The following SIK2 variants were observed in gnomAD, a reference collection of about 807,000 sequenced individuals.
SIK2 encodes the protein serine/threonine-protein kinase SIK2.
SIK2 carries 29 observed loss-of-function variants against 103.2 expected under a neutral mutation model. The ratio of observed to expected loss-of-function variants is 0.28; its 90% CI spans 0.21 to 0.38. The LOEUF is 0.38. SIK2 is among the 10% of genes least tolerant of loss of function. The pLI is 1.00. For missense variants in SIK2, 879 were observed against 1,171.0 expected (o/e 0.75, Z 3.64); for synonymous variants, 412 against 446.1 (o/e 0.92, Z 0.96).
At position 111,723,823 on chromosome 11, in the gene SIK2, G is replaced by A. The variant is rs1361998338; in HGVS notation, c.2475G>A (p.Pro825=). 10 of 1,190,384 alleles carry A rather than the reference G, an allele frequency of 8.4e-6. No individual in the cohort carries two copies. Among genetic ancestry groups the A allele is most frequent in the Middle Eastern group, 2.2e-4 (1 of 4,530 alleles). 73.7% of individuals were successfully genotyped at this position (1,190,384 alleles called of 1,614,324 possible). The change falls in exon 15 of 15, where the codon CCG becomes CCA. Residue 825 remains proline, a synonymous_variant. Coordinates refer to ENST00000304987, the MANE Select transcript of SIK2 (RefSeq NM_015191.3). Reference sequence around the variant, plus strand: ...AGCTACAGCAGCAGCAGCCGCCACCGCCACCACCCCCTCCACCACCACGAC... The same window carrying A: ...AGCTACAGCAGCAGCAGCCGCCACCACCACCACCCCCTCCACCACCACGAC... ...PTQLQQQQPP[P]PPPPPPPRQP... is the part of the protein sequence containing the mutation.
At chr11:111,603,448 C>G (rs991028710) in intron 1 of SIK2, among the ~76,000 whole-genome samples, 2 of 152,118 alleles carry the variant, frequency 1.3e-5, no homozygotes, top group Non-Finnish European at 1.5e-5. Context: ...GGTGTGCATT[C>G]TGGCTGTAAT....
chr11:111,679,698 A>G (rs1422941537), intron 3 of SIK2, among the ~76,000 whole-genome samples: 1 of 152,220 alleles, frequency 6.6e-6, no homozygotes, highest in Non-Finnish European at 1.5e-5. Flanking sequence ...GGTGGTACAT[A>G]TATCAGTGTG....
chr11:111,720,062 G>T, intron 10 of SIK2, 59 bp downstream of exon 10: 1 of 1,522,882 alleles, frequency 6.6e-7, no homozygotes, highest in South Asian at 1.2e-5. Flanking sequence ...TACTCCAATT[G>T]CCAACAAGTG....
intron 3 of SIK2, among the ~76,000 whole-genome samples, chr11:111,657,830 T>G (rs1942412198): frequency 6.6e-6 from 1 of 152,024 alleles, no homozygotes; most frequent in Non-Finnish European, 1.5e-5. Context: ...ACAAAGCAGT[T>G]CAGGTTGGCT....
intron 3 of SIK2, chr11:111,671,426 G>T: frequency 4.1e-6 from 1 of 241,978 alleles, no homozygotes; most frequent in East Asian, 1.3e-4. Flanking sequence ...GAAGCCCTCG[G>T]TCTCTGAGGC....
chr11:111,715,699 C>A (rs540601302), intron 9 of SIK2, among the ~76,000 whole-genome samples: 3 of 151,104 alleles, frequency 2.0e-5, no homozygotes, highest in Admixed American at 6.6e-5. Flanking sequence ...AGGGCAGATG[C>A]ATAAACCTTG....
Position 111,701,981 on chromosome 11 carries a change from G to A in SIK2, c.727+406G>A, listed in dbSNP as rs546632991. On this transcript the variant is annotated intron_variant, in intron 6 of 14. Coordinates refer to ENST00000304987, the MANE Select transcript of SIK2 (RefSeq NM_015191.3). This position sits in a 1 kb window ranked among gnomAD's most constrained non-coding sequence, Gnocchi z 4.2. Reference sequence around the variant, plus strand: ...AAACTCTGCTAAATTCAGATGATATGCCATAATCCCTGCCTGTCGTGTATT... The same window carrying A: ...AAACTCTGCTAAATTCAGATGATATACCATAATCCCTGCCTGTCGTGTATT... 6.6e-6 allele frequency among the ~76,000 whole-genome samples: 1 copy of A among 152,268 alleles called. No homozygotes were observed. The highest frequency in any genetic ancestry group is 6.5e-5 in the Admixed American group (1 of 15,294).
At position 111,728,891 on chromosome 11, in the gene SIK2, T is replaced by A. The variant is rs1944079761; in HGVS notation, c.*4762T>A. The A allele has an allele frequency of 6.9e-6, 1 of 144,038 alleles. No homozygotes were observed. Among genetic ancestry groups the A allele is most frequent in the Admixed American group, 7.1e-5 (1 of 14,078 alleles). 8.9% of individuals were successfully genotyped at this position (144,038 alleles called of 1,614,324 possible). A position where few individuals can be genotyped will look rare whatever the true frequency, so the allele number is the denominator to read the frequency against. On this transcript the variant is annotated 3_prime_UTR_variant, in exon 15 of 15. Transcript: ENST00000304987. ...GTGAGCCAAGATCGTGCCACTGCAC[T>A]CCAGCCTGGGCGACAGAGCAAGACT...
rs116247072 is a variant in SIK2 at position 111,630,003 on chromosome 11, C to T, written c.316+9601C>T. On this transcript the variant is annotated intron_variant, in intron 3 of 14. Coordinates refer to ENST00000304987, the MANE Select transcript of SIK2 (RefSeq NM_015191.3). ...AAAATGAAAACAAGTGTCCATAAAA[C>T]GATTTTGAGAAGAATGCAAATTTTT... Among the ~76,000 whole-genome samples, 610 of 152,178 alleles carry T rather than the reference C, an allele frequency of 4.0e-3. 9 individuals carry two copies. The highest frequency in any genetic ancestry group is 0.014 in the African/African-American group (574 of 41,536).
chr11:111,643,136 A>T (rs1016693897), intron 3 of SIK2, among the ~76,000 whole-genome samples: 1 of 152,028 alleles, frequency 6.6e-6, no homozygotes, highest in African/African-American at 2.4e-5. Context: ...ACCCACTGTG[A>T]TTTTCTTGAG....
intron 8 of SIK2, among the ~76,000 whole-genome samples, chr11:111,707,667 A>G (rs1315719907): frequency 6.6e-6 from 1 of 152,210 alleles, no homozygotes; most frequent in Non-Finnish European, 1.5e-5. Flanking sequence ...ATGGATATAA[A>G]TGTGCCTAAA....
intron 3 of SIK2, among the ~76,000 whole-genome samples, chr11:111,633,574 A>T (rs1353376564): frequency 6.6e-6 from 1 of 152,190 alleles, no homozygotes; most frequent in Non-Finnish European, 1.5e-5. Flanking sequence ...ATAAACATGA[A>T]CGAGGAAATA....
intron 8 of SIK2, among the ~76,000 whole-genome samples, chr11:111,707,246 C>T (rs1055121517): frequency 5.4e-4 from 82 of 152,308 alleles, no homozygotes; most frequent in East Asian, 5.8e-4. Context: ...TTAAACATTA[C>T]GCAAGTGAGG....
chr11:111,622,349 A>G (rs10749985), intron 3 of SIK2, among the ~76,000 whole-genome samples: 88,919 of 146,182 alleles, frequency 0.61, 29,537 homozygotes, highest in East Asian at 0.96. Context: ...TCCGCCTCCC[A>G]GGTTCACGCC....
chr11:111,678,983 T>C (rs1300984087), intron 3 of SIK2, among the ~76,000 whole-genome samples: 1 of 152,216 alleles, frequency 6.6e-6, no homozygotes, highest in Non-Finnish European at 1.5e-5. Context: ...GACACAGCAG[T>C]GAAGAATAGA....
intron 4 of SIK2, among the ~76,000 whole-genome samples, chr11:111,690,372 A>G (rs17474401): frequency 0.1 from 15,912 of 151,588 alleles, 1,150 homozygotes; most frequent in Non-Finnish European, 0.17. Context: ...AATATTTACC[A>G]AAACAATAGC....
chr11:111,614,485 A>G (rs532038445), intron 1 of SIK2, among the ~76,000 whole-genome samples: 1 of 152,368 alleles, frequency 6.6e-6, no homozygotes, highest in Non-Finnish European at 1.5e-5. Flanking sequence ...CATGCATTAT[A>G]TACTTTATTC....
rs1943930519 is a variant in SIK2 at position 111,725,270 on chromosome 11, C to T, written c.*1141C>T. 6.6e-6 allele frequency: 1 copy of T among 152,608 alleles called. No individual in the cohort carries two copies. The highest frequency in any genetic ancestry group is 1.5e-5 in the Non-Finnish European group (1 of 68,032). The allele number at this position is 152,608 out of a possible 1,614,324, so 9.5% of individuals were successfully genotyped here. ...CCAAAGTCACTTCAGAGTTTGTTTT[C>T]CACCATGTGGGAATCAGCATTCTTA... is the stretch of plus-strand genomic sequence containing the variant. On this transcript the variant is annotated 3_prime_UTR_variant, in exon 15 of 15. Coordinates refer to ENST00000304987, the MANE Select transcript of SIK2 (RefSeq NM_015191.3).
intron 3 of SIK2, among the ~76,000 whole-genome samples, chr11:111,643,794 C>CAA (rs746462971): frequency 2.7e-5 from 3 of 111,510 alleles, no homozygotes; most frequent in Non-Finnish European, 5.8e-5. Context: ...GCCTGGGTGA[C>CAA]AAAAAAAAAA....
Sources: gnomAD v4.1 joint callset for allele counts (sites outside exome capture counted in the v4.1 genomes callset) on GRCh38, gnomAD v4.1.1 for gene constraint, Gnocchi (gnomAD v3.1) non-coding constraint, MANE v1.5 for transcripts, NCBI Gene and HGNC (gene_info 2026-07-23, HGNC 2026-07-21) for gene names.